BAG1: variants seen among roughly 807,000 people sequenced by gnomAD.
BAG1 encodes the protein BAG cochaperone 1.
Under a neutral mutation model 35.5 loss-of-function variants are expected in BAG1, and 35 were observed. The observed-to-expected ratio is 0.99, with a 90% CI of 0.75 to 1.31. The LOEUF is 1.31. Ranked by LOEUF, BAG1 falls within the 50% of genes most tolerant of loss-of-function variation. BAG1 has a pLI of 0.00. For synonymous variants in BAG1, 191 were observed against 178.9 expected (o/e 1.07, Z -0.54); for missense variants, 464 against 453.6 (o/e 1.02, Z -0.21).
Position 33,254,927 on chromosome 9 carries a change from A to C in BAG1, c.*292T>G. 1 of 1,151,270 alleles carries C rather than the reference A, an allele frequency of 8.7e-7. No individual in the cohort carries two copies. Among genetic ancestry groups the C allele is most frequent in the Non-Finnish European group, 1.2e-6 (1 of 863,448 alleles). 71.3% of individuals were successfully genotyped at this position (1,151,270 alleles called of 1,614,324 possible). A position where few individuals can be genotyped will look rare whatever the true frequency, so the allele number is the denominator to read the frequency against. On this transcript the variant is annotated 3_prime_UTR_variant, in exon 7 of 7. Coordinates refer to ENST00000634734, the MANE Select transcript of BAG1 (RefSeq NM_004323.6). ...AATTAGAGCTCTCACCAGCCCAAAG[A>C]AAGCACCCAGAGGTCCAAACAGCTG... is the stretch of plus-strand genomic sequence containing the variant.
rs1297811167 is a variant in BAG1, at chr9:33,254,538, G to C, written c.*681C>G. 6 of 155,932 alleles carry C rather than the reference G, an allele frequency of 3.8e-5. No homozygotes were observed. Among genetic ancestry groups the C allele is most frequent in the Non-Finnish European group, 8.5e-5 (6 of 70,494 alleles). 9.7% of individuals were successfully genotyped at this position (155,932 alleles called of 1,614,324 possible). ...TCAAGCACAGACTCAGTCAACACTG[G>C]GTTCTAACCTTCTGAAGACTTGCTT... On this transcript the variant is annotated 3_prime_UTR_variant, in exon 7 of 7. Coordinates refer to ENST00000634734, the MANE Select transcript of BAG1 (RefSeq NM_004323.6).
In BAG1 at chr9:33,261,162, A is replaced by C. The variant is rs1820562392; in HGVS notation, c.588T>G (p.Ser196=). The change falls in exon 3 of 7, where the codon TCT becomes TCG. Residue 196 remains serine (S), a synonymous_variant. Coordinates refer to ENST00000634734, the MANE Select transcript of BAG1 (RefSeq NM_004323.6). The stretch of plus-strand genomic sequence containing the variant: ...ACAACGGTGTTTCCATTTCCTTCAG[A>C]GATTTTCCTAAAAAGAGGAGAAAGG... 5 of 1,608,330 alleles carry C rather than the reference A, an allele frequency of 3.1e-6. No homozygotes were observed. The East Asian group carries it at 1.1e-4, about 36-fold the overall frequency.
intron 2 of BAG1, chr9:33,261,875 G>A: frequency 1.0e-6 from 1 of 985,178 alleles, no homozygotes; most frequent in Non-Finnish European, 1.2e-6. Context: ...CATCCACTGA[G>A]CCCGCCACAT....
rs926832539 is a variant in BAG1, at chr9:33,253,030, G to C, written c.*2189C>G. The C allele has an allele frequency of 6.6e-6, 1 of 152,190 alleles. No homozygotes were observed. The highest frequency in any genetic ancestry group is 2.4e-5 in the African/African-American group (1 of 41,416). The allele number at this position is 152,190 out of a possible 1,614,324, so 9.4% of individuals were successfully genotyped here. ...TTGAGATGAGATGGGAGAAGGCATG[G>C]GGTAAAGACTTTTGCCTAAAGAGAA... On this transcript the variant is annotated 3_prime_UTR_variant, in exon 7 of 7. Coordinates refer to ENST00000634734, the MANE Select transcript of BAG1 (RefSeq NM_004323.6).
rs1339864086 is a variant in BAG1, at chr9:33,257,004, T to C, written c.778-96A>G. 3.1e-5 allele frequency: 28 copies of C among 906,562 alleles called. No individual in the cohort carries two copies. In the Admixed American group the frequency reaches 4.5e-4, roughly 15 times the overall value. The allele number at this position is 906,562 out of a possible 1,614,324, so 56.2% of individuals were successfully genotyped here. A position where few individuals can be genotyped will look rare whatever the true frequency, so the allele number is the denominator to read the frequency against. On this transcript the variant is annotated intron_variant, in intron 4 of 6. Coordinates refer to ENST00000634734, the MANE Select transcript of BAG1 (RefSeq NM_004323.6). The stretch of plus-strand genomic sequence containing the variant: ...TGATGCAATCACACTGAGCCCACCA[T>C]AGCCCTGGCAGGCCAGGCCACATCT...
intron 4 of BAG1, among the ~76,000 whole-genome samples, chr9:33,258,298 C>CG (rs1820498493): frequency 1.6e-5 from 1 of 63,348 alleles, no homozygotes; most frequent in African/African-American, 8.5e-5. Flanking sequence ...GACTCCATAT[C>CG]AAAAAAAAAA....
At chr9:33,261,597 T>C (rs1820572177) in intron 2 of BAG1, among the ~76,000 whole-genome samples, 1 of 152,234 alleles carries the variant, frequency 6.6e-6, no homozygotes, top group Admixed American at 6.5e-5. Context: ...GGGAACATTT[T>C]CTTTTTCATG....
intron 3 of BAG1, among the ~76,000 whole-genome samples, chr9:33,260,705 G>A (rs550409942): frequency 2.0e-5 from 3 of 152,298 alleles, no homozygotes; most frequent in South Asian, 2.1e-4. Context: ...AGAGGCTCCT[G>A]AACTGGAACA....
chr9:33,255,718 T>C (rs1408072288), intron 6 of BAG1, 147 bp downstream of exon 6: 8 of 819,398 alleles, frequency 9.8e-6, no homozygotes, highest in Non-Finnish European at 1.6e-5. Flanking sequence ...GGCTCTTCTC[T>C]GACGTTTGGG....
chr9:33,264,411 C>T lies in BAG1; in HGVS notation c.264G>A (p.Arg88=). 6.2e-7 allele frequency: 1 copy of T among 1,604,694 alleles called. No individual in the cohort carries two copies. The highest frequency in any genetic ancestry group is 8.5e-7 in the Non-Finnish European group (1 of 1,175,470). Reference sequence around the variant, plus strand: ...CCTCACTCAGGGTCAACTCCTCGCTCCGGGTCAACTCCTCGCTCCGGGTCG... The same window carrying T: ...CCTCACTCAGGGTCAACTCCTCGCTTCGGGTCAACTCCTCGCTCCGGGTCG... Residue 88 remains arginine (R), a synonymous_variant, in exon 1 of 7, where the codon CGG becomes CGA. Coordinates refer to ENST00000634734, the MANE Select transcript of BAG1 (RefSeq NM_004323.6).
At chr9:33,256,733 T>G in intron 5 of BAG1, 68 bp downstream of exon 5, 1 of 1,317,296 alleles carries the variant, frequency 7.6e-7, no homozygotes, top group Non-Finnish European at 1.1e-6. Context: ...AGTAAATTAC[T>G]GAAAGAGTGA....
chr9:33,264,679 G>C lies in BAG1; in HGVS notation c.-5C>G. 7.4e-7 allele frequency: 1 copy of C among 1,353,122 alleles called. No homozygotes were observed. Among genetic ancestry groups the C allele is most frequent in the Non-Finnish European group, 9.4e-7 (1 of 1,060,036 alleles). 83.8% of individuals were successfully genotyped at this position (1,353,122 alleles called of 1,614,324 possible). On this transcript the variant is annotated 5_prime_UTR_variant, in exon 1 of 7. Transcript: ENST00000634734. ...CGCCCCCCCGCGCTGAGCCAGGCCCGCACTTGTTGACCGCCCAGCGATGGA... is the reference window on the plus strand; with the variant it reads ...CGCCCCCCCGCGCTGAGCCAGGCCCCCACTTGTTGACCGCCCAGCGATGGA...
Position 33,256,991 on chromosome 9 carries a change from A to C in BAG1, c.778-83T>G, listed in dbSNP as rs532495262. 4.1e-5 allele frequency: 42 copies of C among 1,022,304 alleles called. No individual in the cohort carries two copies. In the South Asian group the frequency reaches 4.9e-4, roughly 12 times the overall value. The allele number at this position is 1,022,304 out of a possible 1,614,324, so 63.3% of individuals were successfully genotyped here. ...GCCACAATACTAATGATGCAATCAC[A>C]CTGAGCCCACCATAGCCCTGGCAGG... On this transcript the variant is annotated intron_variant, in intron 4 of 6. Transcript: ENST00000634734.
In BAG1 at chr9:33,254,178, G is replaced by A. The variant is rs1820399046; in HGVS notation, c.*1041C>T. ...TTTTTTTTTTTTAAAGCAGAATGGGGTTTTGCTATGTTGCCTGGGCTGGTC... is the reference window on the plus strand; with the variant it reads ...TTTTTTTTTTTTAAAGCAGAATGGGATTTTGCTATGTTGCCTGGGCTGGTC... On this transcript the variant is annotated 3_prime_UTR_variant, in exon 7 of 7. Coordinates refer to ENST00000634734, the MANE Select transcript of BAG1 (RefSeq NM_004323.6). The A allele has an allele frequency of 6.7e-6, 1 of 149,482 alleles. No homozygotes were observed. The highest frequency in any genetic ancestry group is 1.5e-5 in the Non-Finnish European group (1 of 67,716). The allele number at this position is 149,482 out of a possible 1,614,324, so 9.3% of individuals were successfully genotyped here. A position where few individuals can be genotyped will look rare whatever the true frequency, so the allele number is the denominator to read the frequency against.
At chr9:33,262,657 C>CAA (rs377180988) in intron 2 of BAG1, 45 bp downstream of exon 2, 678 of 1,173,292 alleles carry the variant, frequency 5.8e-4, no homozygotes, top group South Asian at 9.4e-4. Context: ...AACTTCGTCT[C>CAA]AAAAAAAAAA....
At position 33,254,811 on chromosome 9, in the gene BAG1, C is replaced by T. The variant is rs1820416473; in HGVS notation, c.*408G>A. On this transcript the variant is annotated 3_prime_UTR_variant, in exon 7 of 7. Coordinates refer to ENST00000634734, the MANE Select transcript of BAG1 (RefSeq NM_004323.6). Reference sequence around the variant, plus strand: ...CAACCTCCTGGTGATTCTGGTTTTACAGCTATGGGACTACACGATCACAAG... The same window carrying T: ...CAACCTCCTGGTGATTCTGGTTTTATAGCTATGGGACTACACGATCACAAG... 1 of 346,108 alleles carries T rather than the reference C, an allele frequency of 2.9e-6. No individual in the cohort carries two copies. Among genetic ancestry groups the T allele is most frequent in the African/African-American group, 2.1e-5 (1 of 46,720 alleles). 21.4% of individuals were successfully genotyped at this position (346,108 alleles called of 1,614,324 possible).
rs752363640 is a variant in BAG1, at chr9:33,259,031, G to C, written c.666C>G (p.Asn222Lys). ...TTAGTTCAACCTCTTCCTGTGGACT[G>C]TTCTAAAATGTTTAAGAAGAAAATA... Residue 222 changes from asparagine (N) to lysine (K), a missense_variant and splice_region_variant, in exon 4 of 7, where the codon AAC becomes AAG. Coordinates refer to ENST00000634734, the MANE Select transcript of BAG1 (RefSeq NM_004323.6). 35 of 1,612,094 alleles carry C rather than the reference G, an allele frequency of 2.2e-5. No homozygotes were observed. The East Asian group carries it at 7.8e-4, about 36-fold the overall frequency.
intron 3 of BAG1, chr9:33,259,353 G>T: frequency 5.9e-6 from 1 of 168,206 alleles, no homozygotes; most frequent in Non-Finnish European, 1.3e-5. Context: ...GACAGAGCGA[G>T]ACTGTCTCAA....
At chr9:33,256,953 CG>C (rs1190466481) in intron 4 of BAG1, 45 bp from the exon 5 acceptor site, 1 of 1,445,386 alleles carries the variant, frequency 6.9e-7, no homozygotes, top group Non-Finnish European at 9.7e-7. Flanking sequence ...CTGAGGCTGA[CG>C]GAAGACTCCA....
Sources: allele counts gnomAD v4.1 joint callset (sites outside exome capture counted in the v4.1 genomes callset), GRCh38; gene constraint gnomAD v4.1.1; transcripts MANE v1.5; gene names NCBI Gene and HGNC (gene_info 2026-07-23, HGNC 2026-07-21).